CCDC25: variants seen among roughly 807,000 people sequenced by gnomAD.
CCDC25 encodes the protein coiled-coil domain containing 25, also known as coiled-coil domain-containing protein 25.
Under a neutral mutation model 35.3 loss-of-function variants are expected in CCDC25, and 16 were observed. The observed-to-expected ratio is 0.45, with a 90% confidence interval of 0.31 to 0.69. The LOEUF is 0.69. Among genes scored for constraint, CCDC25 ranks in the 30% least tolerant of loss-of-function variants. CCDC25 has a pLI of 0.06. For synonymous variants in CCDC25, 79 were observed against 80.3 expected, an observed-to-expected ratio of 0.98 and a Z score of 0.09; for missense variants, 179 against 250.7, an observed-to-expected ratio of 0.71 and a Z score of 1.93.
At chr8:27,769,112 G>A (rs1167772149) in intron 1 of CCDC25, among the ~76,000 whole-genome samples, 1 of 152,190 alleles carries the variant, frequency 6.6e-6, no homozygotes, top group Non-Finnish European at 1.5e-5. Flanking sequence ...TTCATTTCCT[G>A]AAGATTCTAT....
rs556940969 is a variant in CCDC25 at position 27,748,326 on chromosome 8, T to TC, written c.349-48dup. The TC allele has an allele frequency of 5.8e-5, 90 of 1,565,210 alleles. No homozygotes were observed. The South Asian group carries it at 9.1e-4, about 16-fold the overall frequency. ...AGATATTGCATCTTTTTGTTTTTTT[T>TC]CTCCCAGAAGAGGGATGAGGCTTTC... On this transcript the variant is annotated intron_variant, in intron 6 of 8. Coordinates refer to ENST00000356537, the MANE Select transcript of CCDC25 (RefSeq NM_018246.3).
Position 27,749,044 on chromosome 8 carries a change from TC to T in CCDC25, c.245-447del, listed in dbSNP as rs774924620. The stretch of plus-strand genomic sequence containing the variant: ...AGCTAGCCGAGCCTCTCTGGAGAAG[TC>T]CCCTGGCCCTCTGAATTTCATATGA... On this transcript the variant is annotated intron_variant, in intron 5 of 8. Transcript: ENST00000356537. Among the ~76,000 whole-genome samples the T allele has an allele frequency of 1.4e-3, 217 of 152,260 alleles. 1 individual carries two copies. Among genetic ancestry groups the T allele is most frequent in the Non-Finnish European group, 2.4e-3 (164 of 68,022 alleles).
At chr8:27,766,359 C>T (rs543345106) in intron 1 of CCDC25, among the ~76,000 whole-genome samples, 4 of 152,090 alleles carry the variant, frequency 2.6e-5, no homozygotes, top group African/African-American at 7.2e-5. Flanking sequence ...CAGAGAGATG[C>T]CCTGTACTTT....
At chr8:27,748,678 T>A (rs1317759938) in intron 5 of CCDC25, 80 bp from the exon 6 acceptor site, 1 of 1,032,676 alleles carries the variant, frequency 9.7e-7, no homozygotes, top group Non-Finnish European at 1.5e-6. Flanking sequence ...CAAACTGCCA[T>A]AAGCCAACAA....
chr8:27,760,309 T>C (rs1264833773), intron 3 of CCDC25, among the ~76,000 whole-genome samples: 2 of 152,214 alleles, frequency 1.3e-5, no homozygotes, highest in Admixed American at 6.5e-5. Flanking sequence ...AGGCTGCATC[T>C]GATTATGTAA....
chr8:27,756,486 A>G, intron 4 of CCDC25: 1 of 486,954 alleles, frequency 2.1e-6, no homozygotes, highest in Non-Finnish European at 3.7e-6. Context: ...AAGTGACAGG[A>G]TAAGCAGTGC....
intron 2 of CCDC25, chr8:27,764,403 G>T: frequency 3.2e-6 from 1 of 312,062 alleles, no homozygotes; most frequent in Non-Finnish European, 6.3e-6. Context: ...AGAGTAGCAA[G>T]GACAACAGGT....
intron 7 of CCDC25, among the ~76,000 whole-genome samples, chr8:27,746,893 T>G (rs1378824595): frequency 6.6e-6 from 1 of 152,220 alleles, no homozygotes; most frequent in Non-Finnish European, 1.5e-5. Context: ...CCCAACAATC[T>G]TTCTAAGAAT....
intron 8 of CCDC25, among the ~76,000 whole-genome samples, chr8:27,740,007 C>A (rs1803380831): frequency 6.6e-6 from 1 of 152,118 alleles, no homozygotes; most frequent in African/African-American, 2.4e-5. Context: ...AACATGAAAA[C>A]AAACAATTTT....
At chr8:27,768,912 C>G (rs895651437) in intron 1 of CCDC25, among the ~76,000 whole-genome samples, 1 of 122,510 alleles carries the variant, frequency 8.2e-6, no homozygotes, top group African/African-American at 2.9e-5. Context: ...TGACACTGGA[C>G]TTATTAGACT....
chr8:27,763,497 C>T lies in CCDC25; in HGVS notation c.77-1039G>A, dbSNP rs142996751. 2.1e-3 allele frequency among the ~76,000 whole-genome samples: 322 copies of T among 152,292 alleles called. 2 individuals are homozygous for T. The highest frequency in any genetic ancestry group is 7.6e-3 in the African/African-American group (314 of 41,566). ...CTTTGGGAGGCTGAGGCGAGCAGAT[C>T]ACCTGAGGTCAGGAGTTTGAGACCA... On this transcript the variant is annotated intron_variant, in intron 2 of 8. Coordinates refer to ENST00000356537, the MANE Select transcript of CCDC25 (RefSeq NM_018246.3).
chr8:27,756,754 G>C lies in CCDC25; in HGVS notation c.133C>G (p.Leu45Val). Reference sequence around the variant, plus strand: ...CGAAGGTATACATGAGCCGAAGAGAGTTTGTCCACATGAAACCTACAAAGA... The same window carrying C: ...CGAAGGTATACATGAGCCGAAGAGACTTTGTCCACATGAAACCTACAAAGA... ...PEDIWFHVDKLSSAHVYLRLH... is the reference protein window; with the variant it reads ...PEDIWFHVDKVSSAHVYLRLH... Residue 45 changes from leucine to valine, a missense_variant, in exon 4 of 9, where the codon CTC (leucine) becomes GTC (valine). Transcript: ENST00000356537. 1 of 1,612,806 alleles carries C rather than the reference G, an allele frequency of 6.2e-7. No homozygotes were observed. The highest frequency in any genetic ancestry group is 1.1e-5 in the South Asian group (1 of 91,030).
chr8:27,748,277 T>A lies in CCDC25; in HGVS notation c.351A>T (p.Val117=). Residue 117 remains valine, a splice_region_variant and synonymous_variant, in exon 7 of 9, where the codon GTA becomes GTT. Transcript: ENST00000356537. The part of the protein sequence containing the change: ...GQIGFHRQKD[V]KIVTVEKKVN... ...CTTTCTTCTCCACTGTCACAATTTT[T>A]ACCTTTAAGGGAGATAGGAGAAAAG... The A allele has an allele frequency of 1.2e-6, 2 of 1,612,790 alleles. No homozygotes were observed. The highest frequency in any genetic ancestry group is 1.7e-6 in the Non-Finnish European group (2 of 1,179,464).
intron 8 of CCDC25, among the ~76,000 whole-genome samples, chr8:27,736,466 T>C (rs1299202506): frequency 2.0e-5 from 3 of 152,196 alleles, no homozygotes; most frequent in Non-Finnish European, 4.4e-5. Context: ...CATGGCCTGA[T>C]TACACAGCAG....
At chr8:27,767,183 T>C (rs1380694664) in intron 1 of CCDC25, among the ~76,000 whole-genome samples, 2 of 152,136 alleles carry the variant, frequency 1.3e-5, no homozygotes, top group African/African-American at 4.8e-5. Context: ...CCGGCCAACA[T>C]GTTGAAACCC....
chr8:27,755,900 G>A (rs1235391477), intron 4 of CCDC25, among the ~76,000 whole-genome samples: 1 of 152,172 alleles, frequency 6.6e-6, no homozygotes, highest in Admixed American at 6.5e-5. Context: ...AGGAGACTAG[G>A]CAGACACAAC....
chr8:27,754,251 T>C (rs1253038520), intron 4 of CCDC25, among the ~76,000 whole-genome samples: 13 of 152,258 alleles, frequency 8.5e-5, no homozygotes, highest in Non-Finnish European at 2.9e-5. Flanking sequence ...AAGAGTTTCA[T>C]ATTAATTGCA....
At chr8:27,770,967 G>A (rs1804589230) in intron 1 of CCDC25, among the ~76,000 whole-genome samples, 2 of 152,088 alleles carry the variant, frequency 1.3e-5, no homozygotes. Flanking sequence ...GCCTGAAACC[G>A]AGGACAACAC....
At chr8:27,772,356 G>A (rs1804657800) in intron 1 of CCDC25, among the ~76,000 whole-genome samples, 157 bp downstream of exon 1, 1 of 152,232 alleles carries the variant, frequency 6.6e-6, no homozygotes, top group Non-Finnish European at 1.5e-5. Context: ...GCAGCCGTGG[G>A]AGGGACGGAT....
Sources: gnomAD v4.1 joint callset for allele counts (sites outside exome capture counted in the v4.1 genomes callset) on GRCh38, gnomAD v4.1.1 for gene constraint, MANE v1.5 for transcripts, NCBI Gene and HGNC (gene_info 2026-07-23, HGNC 2026-07-21) for gene names.